Variants in CACNB2 observed in about 807,000 individuals in gnomAD.
CACNB2 encodes voltage-dependent L-type calcium channel subunit beta-2.
Under a neutral mutation model 73.3 loss-of-function variants are expected in CACNB2, and 42 were observed. The ratio of observed to expected loss-of-function variants is 0.57; its 90% CI spans 0.45 to 0.74. The LOEUF is 0.74. CACNB2 is among the 30% of genes least tolerant of loss of function. The pLI is 0.00. For missense variants in CACNB2, 940 were observed against 853.0 expected, an observed-to-expected ratio of 1.10 and a Z score of -1.27; for synonymous variants, 348 against 310.3, an observed-to-expected ratio of 1.12 and a Z score of -1.28.
chr10:18,342,529 AT>A (rs1318912425), intron 2 of CACNB2, among the ~76,000 whole-genome samples: 1 of 152,180 alleles, frequency 6.6e-6, no homozygotes. Context: ...TTTAAGTATC[AT>A]GGGGAATCTG....
chr10:18,506,827 T>G (rs965761811), intron 6 of CACNB2, among the ~76,000 whole-genome samples: 3 of 152,092 alleles, frequency 2.0e-5, no homozygotes, highest in African/African-American at 7.2e-5. Context: ...TGAGACAGAG[T>G]CTCACTCTAT....
chr10:18,225,628 C>A (rs1316309600), intron 2 of CACNB2, among the ~76,000 whole-genome samples: 5 of 132,486 alleles, frequency 3.8e-5, no homozygotes, highest in African/African-American at 5.6e-5. Flanking sequence ...TTCCTTCCTT[C>A]CTTTCTTTCT....
chr10:18,184,881 C>T (rs1420153562), intron 2 of CACNB2, among the ~76,000 whole-genome samples: 10 of 152,040 alleles, frequency 6.6e-5, no homozygotes, highest in Non-Finnish European at 1.0e-4. Context: ...TCTCTGTTGC[C>T]CAGGCTGGAG....
intron 2 of CACNB2, among the ~76,000 whole-genome samples, chr10:18,346,786 A>G (rs1323708932): frequency 6.6e-6 from 1 of 151,818 alleles, no homozygotes; most frequent in Non-Finnish European, 1.5e-5. Flanking sequence ...TCGTAGAGAC[A>G]AGGTTTCACT....
At chr10:18,224,995 T>C (rs936196519) in intron 2 of CACNB2, among the ~76,000 whole-genome samples, 2 of 152,232 alleles carry the variant, frequency 1.3e-5, no homozygotes, top group Non-Finnish European at 2.9e-5. Flanking sequence ...TTTCGCTCTC[T>C]ATGGCCCTTG....
chr10:18,221,948 T>G (rs2035809583), intron 2 of CACNB2, among the ~76,000 whole-genome samples: 1 of 152,182 alleles, frequency 6.6e-6, no homozygotes, highest in Admixed American at 6.5e-5. Context: ...ATAGAAGTAT[T>G]TCATCTACTA....
At chr10:18,452,895 C>A (rs1204110512) in intron 3 of CACNB2, among the ~76,000 whole-genome samples, 1 of 152,160 alleles carries the variant, frequency 6.6e-6, no homozygotes, top group Non-Finnish European at 1.5e-5. Context: ...TTAGAATATC[C>A]CACGCTTGAT....
intron 2 of CACNB2, among the ~76,000 whole-genome samples, chr10:18,373,536 G>T (rs2132309058): frequency 6.6e-6 from 1 of 152,244 alleles, no homozygotes; most frequent in South Asian, 2.1e-4. Context: ...TGAAAAATGT[G>T]CCCAAGATCA....
At chr10:18,444,260 T>C (rs1159454251) in intron 3 of CACNB2, among the ~76,000 whole-genome samples, 1 of 152,056 alleles carries the variant, frequency 6.6e-6, no homozygotes, top group Non-Finnish European at 1.5e-5. Flanking sequence ...CCTCATCCTT[T>C]CCACCAGGAG....
intron 3 of CACNB2, among the ~76,000 whole-genome samples, chr10:18,417,256 T>C (rs2045031003): frequency 6.6e-6 from 1 of 151,968 alleles, no homozygotes; most frequent in African/African-American, 2.4e-5. Context: ...TCACCTTTTG[T>C]CCTGCTTTTT....
intron 2 of CACNB2, among the ~76,000 whole-genome samples, chr10:18,338,731 T>G (rs1270441000): frequency 7.1e-6 from 1 of 141,796 alleles, no homozygotes; most frequent in African/African-American, 2.7e-5. Context: ...CCTTCTTTCC[T>G]TCTTTCCTTT....
At chr10:18,519,455 T>C (rs1299590135) in intron 9 of CACNB2, among the ~76,000 whole-genome samples, 2 of 151,988 alleles carry the variant, frequency 1.3e-5, no homozygotes, top group African/African-American at 2.4e-5. Flanking sequence ...GCCTGTGGAG[T>C]TGCATGTTTG....
rs541200192 is a variant in CACNB2 at position 18,241,192 on chromosome 10, G to A, written c.213+90217G>A. Among the ~76,000 whole-genome samples the A allele has an allele frequency of 4.7e-4, 72 of 152,204 alleles. 2 individuals carry two copies. Among genetic ancestry groups the A allele is most frequent in the African/African-American group, 1.7e-3 (72 of 41,518 alleles). On this transcript the variant is annotated intron_variant, in intron 2 of 13. Transcript: ENST00000324631. ...TCCCTAAAATGTGTAAAACCAAGCT[G>A]TGCCCTGACCCCACCTTGGGCACAT...
intron 2 of CACNB2, among the ~76,000 whole-genome samples, chr10:18,384,312 A>G (rs2043136406): frequency 6.6e-6 from 1 of 152,212 alleles, no homozygotes; most frequent in Non-Finnish European, 1.5e-5. Context: ...TTTCCAAGTA[A>G]TGGCTGTGTA....
At chr10:18,145,591 G>A (rs908451209) in intron 1 of CACNB2, among the ~76,000 whole-genome samples, 1 of 152,026 alleles carries the variant, frequency 6.6e-6, no homozygotes, top group African/African-American at 2.4e-5. Flanking sequence ...ACCTGTTGCT[G>A]TATTTAATTC....
At chr10:18,271,742 T>C (rs933042743) in intron 2 of CACNB2, among the ~76,000 whole-genome samples, 1 of 152,186 alleles carries the variant, frequency 6.6e-6, no homozygotes, top group Non-Finnish European at 1.5e-5. Context: ...TGTTTCCCAT[T>C]GAGCCAGACT....
At chr10:18,150,542 A>G (rs762319853) in intron 1 of CACNB2, among the ~76,000 whole-genome samples, 7 of 152,200 alleles carry the variant, frequency 4.6e-5, no homozygotes, top group Non-Finnish European at 4.4e-5. Flanking sequence ...ACATGCTTGT[A>G]ATCCCAGCTA....
At chr10:18,362,337 A>G (rs1338790696) in intron 2 of CACNB2, among the ~76,000 whole-genome samples, 1 of 152,232 alleles carries the variant, frequency 6.6e-6, no homozygotes, top group Non-Finnish European at 1.5e-5. Flanking sequence ...AGGGTTTTCT[A>G]AAGATCCTCT....
chr10:18,204,887 T>A (rs2035025792), intron 2 of CACNB2, among the ~76,000 whole-genome samples: 1 of 152,006 alleles, frequency 6.6e-6, no homozygotes, highest in African/African-American at 2.4e-5. Context: ...AAGAGTAGGC[T>A]TCATTTCATT....
Sources: allele counts gnomAD v4.1 joint callset (sites outside exome capture counted in the v4.1 genomes callset), GRCh38; gene constraint gnomAD v4.1.1; transcripts MANE v1.5; gene names NCBI Gene and HGNC (gene_info 2026-07-23, HGNC 2026-07-21).